Variants in TRNT1 observed in about 807,000 individuals in gnomAD.
The protein encoded by TRNT1 is tRNA nucleotidyl transferase 1, also known as CCA tRNA nucleotidyltransferase 1, mitochondrial.
A neutral mutation model predicts 45.6 loss-of-function variants in TRNT1; 44 were observed. The ratio of observed to expected loss-of-function variants is 0.97; its 90% CI spans 0.76 to 1.24. TRNT1 has a LOEUF of 1.24. TRNT1 is among the 50% of genes most tolerant of loss of function. The pLI is 0.00. For missense variants in TRNT1, 633 were observed against 504.4 expected (o/e 1.25, Z -2.44); for synonymous variants, 201 against 171.4 (o/e 1.17, Z -1.35).
downstream of TRNT1, among the ~76,000 whole-genome samples, chr3:3,152,046 C>A (rs1161361711): frequency 6.6e-6 from 1 of 152,050 alleles, no homozygotes; most frequent in African/African-American, 2.4e-5. Context: ...AATCTGAGGA[C>A]AACTGCAGTT....
chr3:3,129,884 C>T, intron 2 of TRNT1: 3 of 1,550,582 alleles, frequency 1.9e-6, no homozygotes, highest in Non-Finnish European at 2.6e-6. Context: ...TTTCAGAGCC[C>T]AGCTTGCAAC....
At position 3,140,364 on chromosome 3, in the gene TRNT1, A is replaced by G. The variant is rs184085552; in HGVS notation, c.343-146A>G. ...TGGATATCTTTCTGTTTCAATGTTT[A>G]GGTATGGTAGTTGACGTTAAAAAGA... On this transcript the variant is annotated intron_variant, in intron 3 of 7. Coordinates refer to ENST00000251607, the MANE Select transcript of TRNT1 (RefSeq NM_182916.3). 4,500 of 615,682 alleles carry G rather than the reference A, an allele frequency of 7.3e-3. 24 individuals carry two copies. Among genetic ancestry groups the G allele is most frequent in the Non-Finnish European group, 0.01 (3,768 of 369,560 alleles). The allele number at this position is 615,682 out of a possible 1,614,324, so 38.1% of individuals were successfully genotyped here.
At chr3:3,137,553 A>G in intron 3 of TRNT1, 100 bp downstream of exon 3, 2 of 1,041,840 alleles carry the variant, frequency 1.9e-6, no homozygotes. Context: ...GTCTAATAAA[A>G]AAGTCAGTCT....
intron 5 of TRNT1, among the ~76,000 whole-genome samples, chr3:3,145,856 T>G (rs1356142427): frequency 6.6e-6 from 1 of 152,044 alleles, no homozygotes; most frequent in African/African-American, 2.4e-5. Context: ...CGCTGATGAA[T>G]TCATTAGAAT....
Position 3,148,767 on chromosome 3 carries a change from G to GTCATGGGATTAACTTGAGGGTCACTATT in TRNT1, c.*613_*614insTCATGGGATTAACTTGAGGGTCACTATT, listed in dbSNP as rs1559233608. Reference sequence around the variant, plus strand: ...TTTCTTTATGCATGCAGAGCCTGGGGAAGTCATGGGATTAACTTGAGGGTC... The same window carrying GTCATGGGATTAACTTGAGGGTCACTATT: ...TTTCTTTATGCATGCAGAGCCTGGGGTCATGGGATTAACTTGAGGGTCACTATTAAGTCATGGGATTAACTTGAGGGTC... On this transcript the variant is annotated 3_prime_UTR_variant, in exon 8 of 8. Coordinates refer to ENST00000251607, the MANE Select transcript of TRNT1 (RefSeq NM_182916.3). 1 of 152,076 alleles carries GTCATGGGATTAACTTGAGGGTCACTATT rather than the reference G, an allele frequency of 6.6e-6. No homozygotes were observed. Among genetic ancestry groups the GTCATGGGATTAACTTGAGGGTCACTATT allele is most frequent in the African/African-American group, 2.4e-5 (1 of 41,376 alleles). The allele number at this position is 152,076 out of a possible 1,614,324, so 9.4% of individuals were successfully genotyped here.
intron 1 of TRNT1, chr3:3,127,994 G>C (rs1208247676): frequency 6.6e-6 from 1 of 152,240 alleles, no homozygotes; most frequent in African/African-American, 2.4e-5. Flanking sequence ...CAGAATTACA[G>C]AGCTTTCCAG....
intron 5 of TRNT1, chr3:3,145,748 CTG>C (rs1454795717): frequency 6.6e-6 from 1 of 152,052 alleles, no homozygotes; most frequent in Non-Finnish European, 1.5e-5. Context: ...TATTTGTAGT[CTG>C]TCTTATAAAT....
At chr3:3,149,516 T>A (rs1281954159), downstream of TRNT1, 3 of 152,094 alleles carry the variant, frequency 2.0e-5, no homozygotes, top group Admixed American at 2.0e-4. Context: ...GGTAACTCAT[T>A]GCAACTGGTT....
Position 3,133,081 on chromosome 3 carries a change from C to G in TRNT1, c.148+3893C>G, listed in dbSNP as rs570378183. ...TATAGTGATACTTGGAGTTTAAATC[C>G]TGTACCAATTTTCAAATCTTAATAG... On this transcript the variant is annotated intron_variant, in intron 2 of 7. Coordinates refer to ENST00000251607, the MANE Select transcript of TRNT1 (RefSeq NM_182916.3). 3.3e-5 allele frequency among the ~76,000 whole-genome samples: 5 copies of G among 152,270 alleles called. No individual in the cohort carries two copies. The East Asian group carries it at 9.7e-4, about 30-fold the overall frequency.
rs762748487 is a variant in TRNT1, at chr3:3,129,078, T to C, written c.38T>C (p.Leu13Pro). 17 of 1,613,820 alleles carry C rather than the reference T, an allele frequency of 1.1e-5. No individual in the cohort carries two copies. The highest frequency in any genetic ancestry group is 1.3e-5 in the African/African-American group (1 of 74,940). Residue 13 changes from leucine to proline, a missense_variant, in exon 2 of 8, where the codon CTG becomes CCG. Transcript: ENST00000251607. The stretch of plus-strand genomic sequence containing the variant: ...CTGTATCATTGGCACAGGCCAGTGC[T>C]GAACCGTAGGTGGAGTAGGCTGTGC... ...RCLYHWHRPV[L>P]NRRWSRLCLP...
At chr3:3,150,501 CATTGTAGGA>C (rs1321714129), downstream of TRNT1, 5 of 215,598 alleles carry the variant, frequency 2.3e-5, no homozygotes, top group African/African-American at 1.2e-4. Context: ...TTCAGTTTCA[CATTGTAGGA>C]ATTTAAGATT....
intron 4 of TRNT1, among the ~76,000 whole-genome samples, chr3:3,143,523 TTGCTAACACTGTTATCA>T (rs1269466367): frequency 3.9e-5 from 6 of 152,208 alleles, no homozygotes; most frequent in Non-Finnish European, 8.8e-5. Flanking sequence ...AACCACACCC[TTGCTAACACTGTTATCA>T]AGTGTTTGCA....
At chr3:3,153,238 T>C (rs3736223), downstream of TRNT1, 4,727 of 552,880 alleles carry the variant, frequency 8.5e-3, 161 homozygotes, top group East Asian at 0.08. Context: ...ATCCCTGACA[T>C]GCATTGTTGC....
chr3:3,152,144 A>T (rs1237043022), downstream of TRNT1, among the ~76,000 whole-genome samples: 2 of 101,584 alleles, frequency 2.0e-5, no homozygotes, highest in Non-Finnish European at 4.6e-5. Flanking sequence ...AAGGACATTT[A>T]AATAAATTTT....
downstream of TRNT1, chr3:3,152,352 C>G (rs1706625668): frequency 1.6e-6 from 2 of 1,274,958 alleles, no homozygotes; most frequent in Non-Finnish European, 2.2e-6. Context: ...TGTCTGTCTA[C>G]TTTTTATTAT....
intron 4 of TRNT1, among the ~76,000 whole-genome samples, chr3:3,142,226 C>G (rs903628505): frequency 1.3e-5 from 2 of 152,196 alleles, no homozygotes; most frequent in African/African-American, 4.8e-5. Context: ...AACTAATACT[C>G]TTTTTCAGTG....
downstream of TRNT1, among the ~76,000 whole-genome samples, chr3:3,151,550 A>AC (rs1706552996): frequency 6.6e-6 from 1 of 152,076 alleles, no homozygotes; most frequent in Non-Finnish European, 1.5e-5. Flanking sequence ...AGAAATACAA[A>AC]CCATGGTATT....
At chr3:3,145,852 T>C (rs1295258791) in intron 5 of TRNT1, among the ~76,000 whole-genome samples, 5 of 152,042 alleles carry the variant, frequency 3.3e-5, no homozygotes, top group Non-Finnish European at 7.4e-5. Flanking sequence ...GGACCGCTGA[T>C]GAATTCATTA....
chr3:3,139,670 A>G (rs1489888652), intron 3 of TRNT1, among the ~76,000 whole-genome samples: 1 of 152,150 alleles, frequency 6.6e-6, no homozygotes, highest in Non-Finnish European at 1.5e-5. Context: ...GAAGTTACTC[A>G]GCTTCCCCAG....
Sources: allele counts gnomAD v4.1 joint callset (sites outside exome capture counted in the v4.1 genomes callset), GRCh38; gene constraint gnomAD v4.1.1; transcripts MANE v1.5; gene names NCBI Gene and HGNC (gene_info 2026-07-23, HGNC 2026-07-21).